Variants in RABGEF1 observed in about 807,000 individuals in gnomAD.
RABGEF1 encodes rab5 GDP/GTP exchange factor.
In RABGEF1, 26 loss-of-function variants were observed where a neutral mutation model predicts 57.3. The ratio of observed to expected loss-of-function variants is 0.45; its 90% CI spans 0.33 to 0.63. The LOEUF (loss-of-function observed/expected upper bound fraction) is 0.63, where lower values mean the gene tolerates loss of function less well. Among genes scored for constraint, RABGEF1 ranks in the 20% least tolerant of loss-of-function variants. The pLI, the probability that RABGEF1 is intolerant of heterozygous loss-of-function variation, is 0.02. For synonymous variants in RABGEF1, 185 were observed against 210.7 expected (o/e 0.88, Z 1.06); for missense variants, 464 against 607.6 (o/e 0.76, Z 2.48).
At chr7:66,710,896 AT>A (rs1794686702) in intron 1 of RABGEF1, among the ~76,000 whole-genome samples, 1 of 152,012 alleles carries the variant, frequency 6.6e-6, no homozygotes, top group Admixed American at 6.6e-5. Context: ...TAATCCCACC[AT>A]TTTGGGAGGC....
chr7:66,741,720 T>C lies in RABGEF1; in HGVS notation c.-18+928T>C, dbSNP rs544255731. Among the ~76,000 whole-genome samples the C allele has an allele frequency of 5.9e-5, 9 of 152,302 alleles. No homozygotes were observed. In the East Asian group the frequency reaches 1.3e-3, roughly 23 times the overall value. On this transcript the variant is annotated intron_variant, in intron 1 of 8. Coordinates refer to ENST00000284957, the MANE Select transcript of RABGEF1 (RefSeq NM_014504.3). The stretch of plus-strand genomic sequence containing the variant: ...TTTTTATTTATTATTTTTTTCGACA[T>C]GGGATCTCACAGTGTTGCCCAGGCA...
intron 1 of RABGEF1, among the ~76,000 whole-genome samples, chr7:66,742,736 A>T (rs1799273389): frequency 6.6e-6 from 1 of 152,160 alleles, no homozygotes; most frequent in Non-Finnish European, 1.5e-5. Flanking sequence ...CCTCCCGAGT[A>T]GCTAAGACTG....
intron 2 of RABGEF1, among the ~76,000 whole-genome samples, chr7:66,772,480 C>A (rs529782210): frequency 6.6e-6 from 1 of 152,290 alleles, no homozygotes; most frequent in Admixed American, 6.5e-5. Context: ...TTTAGCATGG[C>A]ATCTAGCTCA....
intron 1 of RABGEF1, among the ~76,000 whole-genome samples, chr7:66,755,277 G>C (rs889482543): frequency 6.7e-6 from 1 of 148,652 alleles, no homozygotes; most frequent in Non-Finnish European, 1.5e-5. Flanking sequence ...CTGGGCAACA[G>C]AGTGAGACTC....
chr7:66,805,532 GCAT>G (rs1425003674), intron 8 of RABGEF1, 136 bp downstream of exon 8: 1 of 1,286,402 alleles, frequency 7.8e-7, no homozygotes, highest in African/African-American at 1.5e-5. Context: ...AGCTCACTTT[GCAT>G]CAGGGAGCAC....
At chr7:66,740,244 T>G (rs1035854527), upstream of RABGEF1, 7 of 152,690 alleles carry the variant, frequency 4.6e-5, no homozygotes, top group Non-Finnish European at 8.8e-5. Context: ...AAGATTCAGC[T>G]GCTTTTGGAT....
At chr7:66,684,132 T>C (rs1386058572) in intron 1 of RABGEF1, among the ~76,000 whole-genome samples, 1 of 152,148 alleles carries the variant, frequency 6.6e-6, no homozygotes, top group Non-Finnish European at 1.5e-5. Flanking sequence ...GGTTTTTAGC[T>C]GGGTCCTTAT....
chr7:66,662,434 C>T, the RABGEF1 span, among the ~76,000 whole-genome samples: 28 of 152,174 alleles, frequency 1.8e-4, no homozygotes, highest in African/African-American at 6.8e-4. Context: ...ATAATCCTCT[C>T]TCCCTGTTCC....
intron 4 of RABGEF1, among the ~76,000 whole-genome samples, chr7:66,785,506 A>G (rs1810948114): frequency 6.6e-6 from 1 of 152,214 alleles, no homozygotes; most frequent in African/African-American, 2.4e-5. Flanking sequence ...AACTAACATA[A>G]CTAGCTTCAG....
At chr7:66,780,845 A>T (rs1196401958) in intron 3 of RABGEF1, among the ~76,000 whole-genome samples, 1 of 152,188 alleles carries the variant, frequency 6.6e-6, no homozygotes, top group Non-Finnish European at 1.5e-5. Flanking sequence ...TTCGTCTAAC[A>T]TTGGTACAAC....
intron 2 of RABGEF1, among the ~76,000 whole-genome samples, chr7:66,714,086 A>G (rs563946052): frequency 6.6e-6 from 1 of 152,324 alleles, no homozygotes; most frequent in Middle Eastern, 3.4e-3. Flanking sequence ...TTTATACAAC[A>G]ATTTTGGAAG....
intron 1 of RABGEF1, among the ~76,000 whole-genome samples, chr7:66,700,414 C>T (rs1793064654): frequency 6.6e-6 from 1 of 151,430 alleles, no homozygotes; most frequent in Non-Finnish European, 1.5e-5. Flanking sequence ...AAGTGTTTGA[C>T]TCCAGGTCAG....
chr7:66,786,868 G>A (rs539921921), intron 4 of RABGEF1, among the ~76,000 whole-genome samples: 15 of 152,106 alleles, frequency 9.9e-5, no homozygotes, highest in East Asian at 3.9e-4. Context: ...AATGAGACGG[G>A]CAGCTATGTC....
the RABGEF1 span, among the ~76,000 whole-genome samples, chr7:66,666,812 T>G: frequency 6.6e-6 from 1 of 152,204 alleles, no homozygotes; most frequent in Admixed American, 6.5e-5. Flanking sequence ...GATGGTCCCC[T>G]GAGTTCCAGG....
intron 1 of RABGEF1, among the ~76,000 whole-genome samples, chr7:66,757,762 C>T (rs1803128632): frequency 6.6e-6 from 1 of 152,198 alleles, no homozygotes; most frequent in South Asian, 2.1e-4. Context: ...CAGGCGCCTG[C>T]CACCATGCCC....
upstream of RABGEF1, among the ~76,000 whole-genome samples, chr7:66,679,396 C>T (rs566521310): frequency 1.8e-4 from 28 of 152,226 alleles, no homozygotes; most frequent in African/African-American, 4.3e-4. Context: ...GCAGCCTCAA[C>T]CCCCCAGGCT....
intron 4 of RABGEF1, among the ~76,000 whole-genome samples, chr7:66,788,907 G>A (rs1445715052): frequency 6.6e-6 from 1 of 151,328 alleles, no homozygotes; most frequent in Non-Finnish European, 1.5e-5. Context: ...GTTAGCCAAG[G>A]TCGCGCCATT....
chr7:66,787,474 G>A (rs1191764416), intron 4 of RABGEF1, among the ~76,000 whole-genome samples: 4 of 151,236 alleles, frequency 2.6e-5, no homozygotes, highest in Non-Finnish European at 5.9e-5. Flanking sequence ...CTCCCGCATA[G>A]CTGAGATTAC....
chr7:66,732,540 C>T lies in RABGEF1; in HGVS notation c.-814-7456C>T, dbSNP rs1394949147. 3.3e-5 allele frequency among the ~76,000 whole-genome samples: 5 copies of T among 152,126 alleles called. No individual in the cohort carries two copies. The East Asian group carries it at 9.6e-4, about 29-fold the overall frequency. ...GGTGTCCCCAGTCACTCACCCTCTG[C>T]AAGCCTCCCCCGATCCTCTGGGTGT... is the stretch of plus-strand genomic sequence containing the variant. On this transcript the variant is annotated intron_variant and NMD_transcript_variant, in intron 2 of 9. Transcript: ENST00000607882.
Sources: gnomAD v4.1 joint callset for allele counts (sites outside exome capture counted in the v4.1 genomes callset) on GRCh38, gnomAD v4.1.1 for gene constraint, MANE v1.5 for transcripts, NCBI Gene and HGNC (gene_info 2026-07-23, HGNC 2026-07-21) for gene names.